MGAT5: variants seen among roughly 807,000 people sequenced by gnomAD.
The protein encoded by MGAT5 is alpha-1,6-mannosylglycoprotein 6-beta-N-acetylglucosaminyltransferase A.
MGAT5 carries 30 observed loss-of-function variants against 94.3 expected under a neutral mutation model. That is an observed-to-expected ratio of 0.32 (90% CI 0.24 to 0.43). MGAT5 has a LOEUF of 0.43. MGAT5 is among the 20% of genes least tolerant of loss of function. The pLI is 1.00. For missense variants in MGAT5, 691 were observed against 905.5 expected (o/e 0.76, Z 3.04); for synonymous variants, 310 against 322.9 (o/e 0.96, Z 0.43).
chr2:134,284,726 G>A (rs1684902005), intron 2 of MGAT5, among the ~76,000 whole-genome samples: 1 of 152,178 alleles, frequency 6.6e-6, no homozygotes, highest in South Asian at 2.1e-4. Flanking sequence ...GGTAGGATAT[G>A]ATGTGTAATC....
intron 1 of MGAT5, among the ~76,000 whole-genome samples, chr2:134,217,227 GGA>G (rs1160522933): frequency 3.0e-5 from 4 of 133,114 alleles, no homozygotes; most frequent in East Asian, 4.7e-4. Context: ...GGGGTCTGAG[GGA>G]GAGAGAGTGG....
At chr2:134,318,786 C>T in intron 4 of MGAT5, 47 bp downstream of exon 4, 2 of 1,348,054 alleles carry the variant, frequency 1.5e-6, no homozygotes, top group Non-Finnish European at 2.1e-6. Flanking sequence ...ACTGGTTGGA[C>T]TGTTCTGTAG....
chr2:134,304,643 A>AT (rs1686221987), intron 2 of MGAT5, among the ~76,000 whole-genome samples: 1 of 152,344 alleles, frequency 6.6e-6, no homozygotes, highest in South Asian at 2.1e-4. Context: ...GAGTATTGGT[A>AT]TCCAAATTTA....
chr2:134,409,361 T>C (rs955137929), intron 11 of MGAT5, among the ~76,000 whole-genome samples: 1 of 152,204 alleles, frequency 6.6e-6, no homozygotes. Context: ...TAGAATAGAT[T>C]ATAAATGGGC....
intron 1 of MGAT5, among the ~76,000 whole-genome samples, chr2:134,199,910 T>C (rs967776440): frequency 2.0e-5 from 3 of 152,072 alleles, no homozygotes; most frequent in East Asian, 1.9e-4. Flanking sequence ...ATGGCAAGAA[T>C]GAACATGCTT....
chr2:134,130,121 C>T lies in MGAT5; in HGVS notation c.-143+9830C>T, dbSNP rs377013678. Among the ~76,000 whole-genome samples the T allele has an allele frequency of 2.6e-4, 40 of 151,884 alleles. No individual in the cohort carries two copies. In the East Asian group the frequency reaches 3.7e-3, roughly 14 times the overall value. On this transcript the variant is annotated intron_variant, in intron 1 of 16. Transcript: ENST00000409645. The stretch of plus-strand genomic sequence containing the variant: ...CCCCAGCACTGCCGGCCCGTCCGCA[C>T]CAGGCTGGAATTCTCGCCTGGCCTC...
intron 1 of MGAT5, among the ~76,000 whole-genome samples, chr2:134,153,562 G>A (rs1687328478): frequency 6.6e-6 from 1 of 152,052 alleles, no homozygotes; most frequent in Admixed American, 6.6e-5. Flanking sequence ...TGAACTCGAT[G>A]GTCTCCCTGA....
chr2:134,131,579 T>TA, intron 1 of MGAT5, among the ~76,000 whole-genome samples: 1 of 66,130 alleles, frequency 1.5e-5, no homozygotes. Context: ...TTGATTTTTT[T>TA]TTTTTTTTTT....
chr2:134,284,129 T>C (rs1394215471), intron 2 of MGAT5, among the ~76,000 whole-genome samples: 2 of 152,198 alleles, frequency 1.3e-5, no homozygotes, highest in Non-Finnish European at 2.9e-5. Flanking sequence ...GTTCTAACAT[T>C]TCCTCCAAAT....
chr2:134,189,607 T>TG (rs1553490422), intron 1 of MGAT5, among the ~76,000 whole-genome samples: 1 of 80,618 alleles, frequency 1.2e-5, no homozygotes, highest in Non-Finnish European at 2.3e-5. Context: ...TTTTTGTTTT[T>TG]TTTTTTTTTT....
At chr2:134,371,944 T>TAA (rs59624970) in intron 10 of MGAT5, among the ~76,000 whole-genome samples, 7,996 of 139,980 alleles carry the variant, frequency 0.057, 703 homozygotes, top group African/African-American at 0.19. Flanking sequence ...TTGTTTTGTT[T>TAA]AAAAAAAAAA....
intron 1 of MGAT5, among the ~76,000 whole-genome samples, chr2:134,142,865 C>T (rs1239003486): frequency 6.6e-6 from 1 of 152,136 alleles, no homozygotes; most frequent in Non-Finnish European, 1.5e-5. Context: ...ATTGATCCTC[C>T]TGCCTTGACC....
At chr2:134,291,277 G>A (rs1685341518) in intron 2 of MGAT5, among the ~76,000 whole-genome samples, 1 of 152,142 alleles carries the variant, frequency 6.6e-6, no homozygotes, top group African/African-American at 2.4e-5. Flanking sequence ...TCATGAATGA[G>A]ATTATTGCCC....
At chr2:134,422,688 A>C (rs1684366128) in intron 12 of MGAT5, 115 bp from the exon 13 acceptor site, 1 of 722,086 alleles carries the variant, frequency 1.4e-6, no homozygotes, top group African/African-American at 1.7e-5. Context: ...GGAAGGACAC[A>C]GTGTCTTGTT....
chr2:134,270,314 TAAAG>T (rs1683952304), intron 1 of MGAT5, 68 bp from the exon 2 acceptor site: 3 of 1,434,450 alleles, frequency 2.1e-6, no homozygotes, highest in East Asian at 2.3e-5. Context: ...TTCTCCACGA[TAAAG>T]AGAGAGCAAG....
At chr2:134,159,841 C>T (rs1219555321) in intron 1 of MGAT5, among the ~76,000 whole-genome samples, 2 of 152,158 alleles carry the variant, frequency 1.3e-5, no homozygotes, top group African/African-American at 4.8e-5. Context: ...AGAAGTTAAG[C>T]ACTACTTTAG....
At chr2:134,272,828 C>T (rs1376962490) in intron 2 of MGAT5, among the ~76,000 whole-genome samples, 4 of 152,188 alleles carry the variant, frequency 2.6e-5, no homozygotes, top group Non-Finnish European at 5.9e-5. Context: ...TCCATCTCTC[C>T]TTCCATTTGT....
At position 134,377,226 on chromosome 2, in the gene MGAT5, G is replaced by A. The variant is rs1681240909; in HGVS notation, c.1380+14818G>A. Among the ~76,000 whole-genome samples, 3 of 152,220 alleles carry A rather than the reference G, an allele frequency of 2.0e-5. No homozygotes were observed. The South Asian group carries it at 6.2e-4, about 31-fold the overall frequency. On this transcript the variant is annotated intron_variant, in intron 10 of 15. Transcript: ENST00000281923. Reference sequence around the variant, plus strand: ...TATGGGGCTGGTTTCTTCACTGGATGTCTGCAAAGACCCAGGCCACTTTGG... The same window carrying A: ...TATGGGGCTGGTTTCTTCACTGGATATCTGCAAAGACCCAGGCCACTTTGG...
chr2:134,229,770 C>G (rs1347627035), intron 1 of MGAT5, among the ~76,000 whole-genome samples: 2 of 152,138 alleles, frequency 1.3e-5, no homozygotes, highest in Non-Finnish European at 2.9e-5. Flanking sequence ...CAAATAATAT[C>G]TGGTAAGAGA....
Sources: allele counts gnomAD v4.1 joint callset (sites outside exome capture counted in the v4.1 genomes callset), GRCh38; gene constraint gnomAD v4.1.1; transcripts MANE v1.5; gene names NCBI Gene and HGNC (gene_info 2026-07-23, HGNC 2026-07-21).